Variants in AGBL1 observed in about 807,000 individuals in gnomAD.
The protein encoded by AGBL1 is AGBL carboxypeptidase 1, also known as cytosolic carboxypeptidase 4.
A neutral mutation model predicts 118.9 loss-of-function variants in AGBL1; 130 were observed. The ratio of observed to expected loss-of-function variants is 1.09; its 90% CI spans 0.95 to 1.26. The LOEUF is 1.26. AGBL1 is among the 50% of genes most tolerant of loss of function. AGBL1 has a pLI of 0.00. For synonymous variants in AGBL1, 555 were observed against 478.9 expected (o/e 1.16, Z -2.08); for missense variants, 1,584 against 1,298.1 (o/e 1.22, Z -3.38).
intron 1 of AGBL1, among the ~76,000 whole-genome samples, chr15:86,094,557 A>G (rs752181853): frequency 6.6e-6 from 1 of 152,070 alleles, no homozygotes; most frequent in Non-Finnish European, 1.5e-5. Context: ...CAGAGGGGAG[A>G]TTGATCTGCA....
chr15:86,488,614 C>T (rs1222031755), intron 18 of AGBL1, among the ~76,000 whole-genome samples: 2 of 152,064 alleles, frequency 1.3e-5, no homozygotes, highest in Non-Finnish European at 2.9e-5. Flanking sequence ...CTTGTTTCCT[C>T]CCTTCAGCCT....
At chr15:86,679,333 A>G (rs17628600) in intron 22 of AGBL1, among the ~76,000 whole-genome samples, 1,619 of 152,160 alleles carry the variant, frequency 0.011, 10 homozygotes, top group Non-Finnish European at 0.015. Flanking sequence ...AATATTTAAA[A>G]AAGTTTTGTT....
At chr15:86,859,712 G>T (rs1196610051) in intron 22 of AGBL1, among the ~76,000 whole-genome samples, 1 of 152,178 alleles carries the variant, frequency 6.6e-6, no homozygotes, top group Non-Finnish European at 1.5e-5. Flanking sequence ...GAAGGAGAGA[G>T]TACATAAGAA....
At chr15:86,972,669 A>T (rs2141705848) in intron 23 of AGBL1, among the ~76,000 whole-genome samples, 1 of 152,074 alleles carries the variant, frequency 6.6e-6, no homozygotes, top group Middle Eastern at 3.4e-3. Context: ...CTGATCACCA[A>T]ATATTTGCAT....
At chr15:86,768,676 T>A (rs994144491) in intron 22 of AGBL1, among the ~76,000 whole-genome samples, 1 of 151,930 alleles carries the variant, frequency 6.6e-6, no homozygotes, top group Non-Finnish European at 1.5e-5. Flanking sequence ...TCTACCACAT[T>A]GCATTTTCTA....
chr15:87,014,725 A>G (rs965248585), intron 24 of AGBL1, among the ~76,000 whole-genome samples: 1 of 152,174 alleles, frequency 6.6e-6, no homozygotes, highest in African/African-American at 2.4e-5. Context: ...AAGTTCTTTT[A>G]TCACTTGTAC....
intron 23 of AGBL1, among the ~76,000 whole-genome samples, chr15:86,972,227 G>A (rs2081115653): frequency 6.6e-6 from 1 of 151,992 alleles, no homozygotes; most frequent in Non-Finnish European, 1.5e-5. Flanking sequence ...GTGAGCCCTA[G>A]TTGCCAACTC....
chr15:86,284,729 C>T (rs1441981543), intron 16 of AGBL1, among the ~76,000 whole-genome samples: 3 of 152,114 alleles, frequency 2.0e-5, no homozygotes, highest in Non-Finnish European at 4.4e-5. Context: ...GTGCATAGTG[C>T]TTCTCACTTT....
At chr15:87,026,648 C>A (rs2081729611) in intron 24 of AGBL1, among the ~76,000 whole-genome samples, 1 of 151,568 alleles carries the variant, frequency 6.6e-6, no homozygotes, top group Admixed American at 6.6e-5. Flanking sequence ...ACTACTGATA[C>A]CTACCCAGAG....
At chr15:86,225,335 C>T (rs1314486491) in intron 6 of AGBL1, among the ~76,000 whole-genome samples, 1 of 152,052 alleles carries the variant, frequency 6.6e-6, no homozygotes, top group East Asian at 1.9e-4. Context: ...GGATTGCCTC[C>T]AGGTCCCAGT....
intron 13 of AGBL1, 86 bp from the exon 14 acceptor site, chr15:86,269,833 G>C: frequency 6.8e-7 from 1 of 1,469,482 alleles, no homozygotes; most frequent in Admixed American, 2.0e-5. Context: ...CTGTAACCCA[G>C]AAACTGAAAC....
chr15:86,447,110 A>G (rs1345332521), intron 18 of AGBL1, among the ~76,000 whole-genome samples: 1 of 152,202 alleles, frequency 6.6e-6, no homozygotes, highest in Non-Finnish European at 1.5e-5. Flanking sequence ...TAGTGAAGTT[A>G]TTGGTTTCAG....
chr15:86,977,840 G>C (rs7178798), intron 23 of AGBL1, among the ~76,000 whole-genome samples: 6,093 of 152,044 alleles, frequency 0.04, 152 homozygotes, highest in Middle Eastern at 0.068. Context: ...ACTGAATAAG[G>C]AAATATGTCT....
intron 18 of AGBL1, among the ~76,000 whole-genome samples, chr15:86,402,092 G>T (rs1408281667): frequency 6.6e-6 from 1 of 151,826 alleles, no homozygotes; most frequent in African/African-American, 2.4e-5. Flanking sequence ...CATGGGATGT[G>T]TTTCCATTTG....
intron 21 of AGBL1, among the ~76,000 whole-genome samples, chr15:86,649,127 G>A (rs1232007625): frequency 6.6e-6 from 1 of 152,136 alleles, no homozygotes; most frequent in African/African-American, 2.4e-5. Flanking sequence ...CCATCTATGA[G>A]GATGAGGAAA....
chr15:87,008,082 C>T (rs28418509), intron 24 of AGBL1, among the ~76,000 whole-genome samples: 15,060 of 152,182 alleles, frequency 0.099, 1,328 homozygotes, highest in African/African-American at 0.23. Context: ...AAGAAATATG[C>T]AGATAGCTGG....
At chr15:86,096,588 T>A (rs1279386693) in intron 1 of AGBL1, among the ~76,000 whole-genome samples, 1 of 152,178 alleles carries the variant, frequency 6.6e-6, no homozygotes, top group Admixed American at 6.5e-5. Flanking sequence ...GAATTATAAT[T>A]TTTTCAGGTC....
At chr15:86,861,922 C>G (rs1290732677) in intron 22 of AGBL1, among the ~76,000 whole-genome samples, 2 of 152,166 alleles carry the variant, frequency 1.3e-5, no homozygotes, top group African/African-American at 2.4e-5. Flanking sequence ...GACATCAGGT[C>G]AAATCTGCAA....
intron 23 of AGBL1, among the ~76,000 whole-genome samples, chr15:86,925,247 G>A (rs547661069): frequency 1.3e-5 from 2 of 151,978 alleles, no homozygotes; most frequent in African/African-American, 4.8e-5. Context: ...TGGGTGGCTT[G>A]TTAAAACAGA....
Sources: gnomAD v4.1 joint callset for allele counts (sites outside exome capture counted in the v4.1 genomes callset) on GRCh38, gnomAD v4.1.1 for gene constraint, MANE v1.5 for transcripts, NCBI Gene and HGNC (gene_info 2026-07-23, HGNC 2026-07-21) for gene names.